AIG1: variants seen among roughly 807,000 people sequenced by gnomAD.
The protein encoded by AIG1 is androgen-induced gene 1 protein.
A neutral mutation model predicts 31.4 loss-of-function variants in AIG1; 23 were observed. The observed-to-expected ratio is 0.73, with a 90% CI of 0.53 to 1.04. The LOEUF (loss-of-function observed/expected upper bound fraction) is 1.04. Ranked by LOEUF, AIG1 falls within the 50% of genes least tolerant of loss-of-function variation. The probability of loss-of-function intolerance (pLI) is 0.00; values close to 1 mark genes in which losing one functional copy is unlikely to be tolerated. For missense variants in AIG1, 274 were observed against 295.0 expected (o/e 0.93, Z 0.52); for synonymous variants, 100 against 110.5 (o/e 0.90, Z 0.60).
intron 3 of AIG1, among the ~76,000 whole-genome samples, chr6:143,177,679 C>T (rs1019478832): frequency 6.6e-6 from 1 of 152,104 alleles, no homozygotes; most frequent in Non-Finnish European, 1.5e-5. Context: ...TTGGGGGCTC[C>T]GGCAGTAGGG....
chr6:143,161,946 C>G (rs1339008829), intron 2 of AIG1, among the ~76,000 whole-genome samples: 1 of 151,696 alleles, frequency 6.6e-6, no homozygotes, highest in Non-Finnish European at 1.5e-5. Context: ...AGATCACAGG[C>G]AGTGCAATAA....
rs370779834 is a variant in AIG1, at chr6:143,266,203, C to T, written c.400-17907C>T. 4.6e-5 allele frequency among the ~76,000 whole-genome samples: 7 copies of T among 150,584 alleles called. No homozygotes were observed. The East Asian group carries it at 5.8e-4, about 13-fold the overall frequency. On this transcript the variant is annotated intron_variant, in intron 3 of 5. Transcript: ENST00000357847. Reference sequence around the variant, plus strand: ...TCTCTACTAAAATACAAAAATTAGCCGAGCATGGTGGCGAGCGCCTGTAAT... The same window carrying T: ...TCTCTACTAAAATACAAAAATTAGCTGAGCATGGTGGCGAGCGCCTGTAAT...
At chr6:143,075,354 G>A (rs1268867244) in intron 1 of AIG1, among the ~76,000 whole-genome samples, 1 of 152,016 alleles carries the variant, frequency 6.6e-6, no homozygotes, top group African/African-American at 2.4e-5. Flanking sequence ...GTCTCACTCT[G>A]TCACCCAGGC....
chr6:143,210,865 A>T (rs1791532936), intron 3 of AIG1, among the ~76,000 whole-genome samples: 1 of 152,218 alleles, frequency 6.6e-6, no homozygotes, highest in South Asian at 2.1e-4. Flanking sequence ...GACTAAAAAT[A>T]TTAACATACA....
At chr6:143,294,159 A>G (rs1798260158) in intron 4 of AIG1, among the ~76,000 whole-genome samples, 1 of 152,086 alleles carries the variant, frequency 6.6e-6, no homozygotes, top group South Asian at 2.1e-4. Flanking sequence ...CTGGGACCCC[A>G]TTCATGCCCA....
intron 4 of AIG1, among the ~76,000 whole-genome samples, chr6:143,315,789 CAAT>C (rs1775692178): frequency 6.6e-6 from 1 of 151,862 alleles, no homozygotes; most frequent in African/African-American, 2.4e-5. Flanking sequence ...CATGAGAAAA[CAAT>C]AATAATCCAC....
At chr6:143,309,480 G>T (rs780824146) in intron 4 of AIG1, among the ~76,000 whole-genome samples, 1 of 151,654 alleles carries the variant, frequency 6.6e-6, no homozygotes, top group Admixed American at 6.6e-5. Flanking sequence ...ATTATAAAAA[G>T]AAATACTTTT....
chr6:143,136,795 C>G (rs750001678), intron 1 of AIG1, 40 bp from the exon 2 acceptor site: 4 of 1,324,060 alleles, frequency 3.0e-6, no homozygotes, highest in Non-Finnish European at 3.9e-6. Flanking sequence ...CTTGGGTCTC[C>G]AGATCTTAAT....
At chr6:143,093,399 G>T (rs1311479159) in intron 1 of AIG1, among the ~76,000 whole-genome samples, 1 of 152,168 alleles carries the variant, frequency 6.6e-6, no homozygotes, top group Non-Finnish European at 1.5e-5. Context: ...GAATTGAAGA[G>T]AGTTAGGACC....
At chr6:143,123,612 T>A (rs1782418909) in intron 1 of AIG1, among the ~76,000 whole-genome samples, 1 of 152,206 alleles carries the variant, frequency 6.6e-6, no homozygotes, top group Non-Finnish European at 1.5e-5. Flanking sequence ...TGTTGATACA[T>A]GTTACTTTAG....
chr6:143,241,565 A>G (rs1311190445), intron 3 of AIG1, among the ~76,000 whole-genome samples: 1 of 152,220 alleles, frequency 6.6e-6, no homozygotes, highest in Non-Finnish European at 1.5e-5. Context: ...TATTTAACAA[A>G]TACTTCCACT....
intron 3 of AIG1, among the ~76,000 whole-genome samples, chr6:143,210,204 CT>C (rs1378520553): frequency 6.6e-6 from 1 of 152,230 alleles, no homozygotes. Context: ...GACATGTTTG[CT>C]TCCACTTCTG....
rs71660615 is a variant in AIG1, at chr6:143,190,973, ACTAT to A, written c.399+25795_399+25798del. 3.0e-3 allele frequency among the ~76,000 whole-genome samples: 463 copies of A among 152,008 alleles called. 7 individuals are homozygous for A. In the East Asian group the frequency reaches 0.064, roughly 21 times the overall value. On this transcript the variant is annotated intron_variant, in intron 3 of 5. Coordinates refer to ENST00000357847, the MANE Select transcript of AIG1 (RefSeq NM_016108.4). ...ATTCAGTCTGGGATAAGACTGAGAC[ACTAT>A]CTATTTTTTTTTAATGCTCCCTTAC...
chr6:143,199,055 C>T (rs1483275521), intron 3 of AIG1, among the ~76,000 whole-genome samples: 1 of 152,130 alleles, frequency 6.6e-6, no homozygotes, highest in Non-Finnish European at 1.5e-5. Flanking sequence ...TTGAAGGTCT[C>T]CTTTCTCCTT....
chr6:143,249,630 A>C (rs1019337943), intron 3 of AIG1, among the ~76,000 whole-genome samples: 1 of 152,160 alleles, frequency 6.6e-6, no homozygotes, highest in African/African-American at 2.4e-5. Context: ...TTCCTACTGC[A>C]CTACCAGTAC....
At chr6:143,067,056 A>G (rs1776780942) in intron 1 of AIG1, among the ~76,000 whole-genome samples, 1 of 152,046 alleles carries the variant, frequency 6.6e-6, no homozygotes, top group African/African-American at 2.4e-5. Context: ...AGTCCCAGCT[A>G]TGTGGGGGCT....
chr6:143,258,271 G>T lies in AIG1; in HGVS notation c.400-25839G>T, dbSNP rs1302300099. 2.0e-5 allele frequency among the ~76,000 whole-genome samples: 3 copies of T among 152,230 alleles called. No homozygotes were observed. Among genetic ancestry groups the T allele is most frequent in the African/African-American group, 7.2e-5 (3 of 41,464 alleles). On this transcript the variant is annotated intron_variant, in intron 3 of 5. Coordinates refer to ENST00000357847, the MANE Select transcript of AIG1 (RefSeq NM_016108.4). The surrounding 1 kb of genome is among the most constrained non-coding windows in gnomAD (Gnocchi z 4.7). ...GTCACTAAATGGGAGACTATTGATT[G>T]TGGCTGAACAAATTCAAATGAGCTC... is the stretch of plus-strand genomic sequence containing the variant.
At chr6:143,176,827 G>A (rs1195323390) in intron 3 of AIG1, among the ~76,000 whole-genome samples, 1 of 152,242 alleles carries the variant, frequency 6.6e-6, no homozygotes, top group African/African-American at 2.4e-5. Flanking sequence ...TTCCTCAGCT[G>A]TCCCACAGGG....
chr6:143,117,784 T>C (rs1416572928), intron 1 of AIG1, among the ~76,000 whole-genome samples: 2 of 152,082 alleles, frequency 1.3e-5, no homozygotes, highest in Non-Finnish European at 2.9e-5. Flanking sequence ...TGGTAAACTA[T>C]CATGTAGATA....
Sources: gnomAD v4.1 joint callset for allele counts (sites outside exome capture counted in the v4.1 genomes callset) on GRCh38, gnomAD v4.1.1 for gene constraint, Gnocchi (gnomAD v3.1) non-coding constraint, MANE v1.5 for transcripts, NCBI Gene and HGNC (gene_info 2026-07-23, HGNC 2026-07-21) for gene names.